The following NSMCE1 variants were observed in gnomAD, a reference collection of about 807,000 sequenced individuals.
NSMCE1 encodes non-structural maintenance of chromosomes element 1 homolog.
Under a neutral mutation model 29.6 loss-of-function variants are expected in NSMCE1, and 18 were observed. That is an observed-to-expected ratio of 0.61 (90% CI 0.42 to 0.90). The LOEUF (loss-of-function observed/expected upper bound fraction) is 0.90. Among genes scored for constraint, NSMCE1 ranks in the 40% least tolerant of loss-of-function variants. NSMCE1 has a pLI of 0.00. For missense variants in NSMCE1, 314 were observed against 343.6 expected (o/e 0.91, Z 0.68); for synonymous variants, 124 against 133.4 (o/e 0.93, Z 0.49).
At chr16:27,237,710 G>A (rs1350759302) in intron 2 of NSMCE1, among the ~76,000 whole-genome samples, 1 of 152,182 alleles carries the variant, frequency 6.6e-6, no homozygotes, top group Admixed American at 6.5e-5. Context: ...GTGCCCTGTG[G>A]GCAGATGAGA....
chr16:27,227,769 G>GTTTCT (rs201079706), intron 5 of NSMCE1, among the ~76,000 whole-genome samples: 5 of 131,094 alleles, frequency 3.8e-5, no homozygotes, highest in African/African-American at 1.3e-4. Flanking sequence ...TGTCACTCCC[G>GTTTCT]TTTCTTTTCT....
At chr16:27,250,378 T>C (rs2084011598) in intron 2 of NSMCE1, among the ~76,000 whole-genome samples, 1 of 152,280 alleles carries the variant, frequency 6.6e-6, no homozygotes, top group Non-Finnish European at 1.5e-5. Flanking sequence ...CTGTAGGTTT[T>C]ACAGAGATCC....
chr16:27,265,316 ACAC>A (rs2084211600), intron 1 of NSMCE1, among the ~76,000 whole-genome samples: 2 of 151,738 alleles, frequency 1.3e-5, no homozygotes, highest in Admixed American at 6.6e-5. Context: ...CTACAGGCAC[ACAC>A]CACTATGCCC....
rs72782375 is a variant in NSMCE1, at chr16:27,253,846, G to A, written c.136+3589C>T. On this transcript the variant is annotated intron_variant, in intron 2 of 7. Coordinates refer to ENST00000361439, the MANE Select transcript of NSMCE1 (RefSeq NM_145080.4). ...TCCTCTAAGAACACAGGTCCCTAGC[G>A]CCATTCCGAAAGGCTCGACCCAAGG... is the stretch of plus-strand genomic sequence containing the variant. Among the ~76,000 whole-genome samples the A allele has an allele frequency of 2.2e-3, 328 of 152,304 alleles. 2 individuals carry two copies. Among genetic ancestry groups the A allele is most frequent in the Middle Eastern group, 6.8e-3 (2 of 294 alleles).
intron 2 of NSMCE1, among the ~76,000 whole-genome samples, chr16:27,246,204 G>A (rs2083956439): frequency 6.6e-6 from 1 of 152,160 alleles, no homozygotes; most frequent in African/African-American, 2.4e-5. Context: ...GTATTTCAGC[G>A]ACCTGGTTTT....
chr16:27,262,325 G>A (rs1458976713), intron 1 of NSMCE1, among the ~76,000 whole-genome samples: 1 of 151,754 alleles, frequency 6.6e-6, no homozygotes, highest in East Asian at 1.9e-4. Context: ...AACAAAGCTG[G>A]AGGCATCACG....
At chr16:27,254,523 CA>C (rs1406717363) in intron 2 of NSMCE1, among the ~76,000 whole-genome samples, 3 of 152,124 alleles carry the variant, frequency 2.0e-5, no homozygotes, top group Non-Finnish European at 4.4e-5. Flanking sequence ...TCAAGACTCA[CA>C]GGAGAAAAAA....
Position 27,225,219 on chromosome 16 carries a change from T to C in NSMCE1, c.739A>G (p.Lys247Glu), listed in dbSNP as rs1408336055. 1.6e-5 allele frequency: 26 copies of C among 1,605,058 alleles called. No homozygotes were observed. Among genetic ancestry groups the C allele is most frequent in the Non-Finnish European group, 2.1e-5 (25 of 1,174,450 alleles). Residue 247 changes from lysine to glutamate, a missense_variant, in exon 8 of 8, where the codon AAG becomes GAG. Transcript: ENST00000361439. Reference sequence around the variant, plus strand: ...TTCAAGACACCAGACTCCCTCTCCTTCTCAGGGTCGAAGACTTCTGTAGAC... The same window carrying C: ...TTCAAGACACCAGACTCCCTCTCCTCCTCAGGGTCGAAGACTTCTGTAGAC... ...HEIPKVFDPEKERESGVLKSN... is the reference protein window; with the variant it reads ...HEIPKVFDPEEERESGVLKSN...
intron 2 of NSMCE1, among the ~76,000 whole-genome samples, 163 bp from the exon 3 acceptor site, chr16:27,235,462 T>TTTC (rs969772105): frequency 4.0e-4 from 61 of 152,262 alleles, no homozygotes; most frequent in African/African-American, 1.4e-3. Flanking sequence ...ACGTGGCTTC[T>TTTC]TTCTTCCTGG....
rs745621355 is a variant in NSMCE1 at position 27,225,276 on chromosome 16, G to C, written c.722-40C>G. 3 of 1,276,018 alleles carry C rather than the reference G, an allele frequency of 2.4e-6. No individual in the cohort carries two copies. In the East Asian group the frequency reaches 7.1e-5, roughly 30 times the overall value. The allele number at this position is 1,276,018 out of a possible 1,614,324, so 79.0% of individuals were successfully genotyped here. On this transcript the variant is annotated intron_variant, in intron 7 of 7. Transcript: ENST00000361439. ...GGCAGGAAAGACACAGTGAATGGAG[G>C]GGCTGGCAGCACAGGGGCACCAGCT...
intron 1 of NSMCE1, among the ~76,000 whole-genome samples, chr16:27,265,905 A>G (rs1442005131): frequency 6.6e-6 from 1 of 152,212 alleles, no homozygotes; most frequent in African/African-American, 2.4e-5. Context: ...AAGTAACACA[A>G]TATTCAGGGC....
At chr16:27,251,167 T>TATAA (rs1555477376) in intron 2 of NSMCE1, among the ~76,000 whole-genome samples, 1 of 63,798 alleles carries the variant, frequency 1.6e-5, no homozygotes, top group Non-Finnish European at 2.4e-5. Flanking sequence ...AAAATATATA[T>TATAA]ATATATATAT....
chr16:27,244,392 G>A (rs541710696), intron 2 of NSMCE1, among the ~76,000 whole-genome samples: 34 of 152,272 alleles, frequency 2.2e-4, no homozygotes, highest in Admixed American at 6.5e-4. Flanking sequence ...ACATTCTCCC[G>A]GTGTCCCCTC....
intron 1 of NSMCE1, among the ~76,000 whole-genome samples, chr16:27,262,532 G>C (rs866098948): frequency 1.3e-5 from 2 of 152,270 alleles, no homozygotes; most frequent in Middle Eastern, 6.8e-3. Context: ...AGTATAAGTG[G>C]CTAGCCATAT....
Position 27,253,360 on chromosome 16 carries a change from T to C in NSMCE1, c.136+4075A>G, listed in dbSNP as rs1367876307. On this transcript the variant is annotated intron_variant, in intron 2 of 7. Transcript: ENST00000361439. Reference sequence around the variant, plus strand: ...ATAGTGTCAGAATTAAACTGAATTATGGAATGCCCAGTTGTTATCTAGAGA... The same window carrying C: ...ATAGTGTCAGAATTAAACTGAATTACGGAATGCCCAGTTGTTATCTAGAGA... Among the ~76,000 whole-genome samples the C allele has an allele frequency of 4.6e-5, 7 of 152,180 alleles. No individual in the cohort carries two copies. The East Asian group carries it at 9.6e-4, about 21-fold the overall frequency.
Position 27,233,070 on chromosome 16 carries a change from G to A in NSMCE1, c.414C>T (p.Gly138=). The A allele has an allele frequency of 6.2e-7, 1 of 1,613,964 alleles. No homozygotes were observed. Among genetic ancestry groups the A allele is most frequent in the Non-Finnish European group, 8.5e-7 (1 of 1,179,898 alleles). ...NILNLVDQLK[G]KKMRKKEAEQ... is the part of the protein sequence containing the mutation. ...CCGCTTCCTTCTTCCTCATCTTCTTGCCTTTAAGTTGATCAACCAGGTTCA... is the reference window on the plus strand; with the variant it reads ...CCGCTTCCTTCTTCCTCATCTTCTTACCTTTAAGTTGATCAACCAGGTTCA... Residue 138 remains glycine (G), a synonymous_variant, in exon 5 of 8, where the codon GGC becomes GGT. Transcript: ENST00000361439.
chr16:27,232,220 C>T lies in NSMCE1; in HGVS notation c.483+781G>A, dbSNP rs1476579620. Among the ~76,000 whole-genome samples the T allele has an allele frequency of 1.3e-5, 2 of 152,234 alleles. No individual in the cohort carries two copies. The highest frequency in any genetic ancestry group is 2.9e-5 in the Non-Finnish European group (2 of 68,044). On this transcript the variant is annotated intron_variant, in intron 5 of 7. Coordinates refer to ENST00000361439, the MANE Select transcript of NSMCE1 (RefSeq NM_145080.4). The surrounding 1 kb of genome is among the most constrained non-coding windows in gnomAD (Gnocchi z 4.5). ...ACCCGGCGTGAGTGCGTCCTCAACA[C>T]ACATGGGCACAAGCACCTGGGAGGC...
intron 2 of NSMCE1, among the ~76,000 whole-genome samples, chr16:27,244,525 C>T (rs982386480): frequency 6.6e-6 from 1 of 152,204 alleles, no homozygotes; most frequent in South Asian, 2.1e-4. Flanking sequence ...TTCTGTCCCC[C>T]ACTCCCCCAC....
At chr16:27,265,420 A>G (rs1256389746) in intron 1 of NSMCE1, among the ~76,000 whole-genome samples, 2 of 151,974 alleles carry the variant, frequency 1.3e-5, no homozygotes, top group Non-Finnish European at 1.5e-5. Context: ...CACCCACCTC[A>G]GCCTCCCAAA....
Sources: gnomAD v4.1 joint callset for allele counts (sites outside exome capture counted in the v4.1 genomes callset) on GRCh38, gnomAD v4.1.1 for gene constraint, Gnocchi (gnomAD v3.1) non-coding constraint, MANE v1.5 for transcripts, NCBI Gene and HGNC (gene_info 2026-07-23, HGNC 2026-07-21) for gene names.